Variants in IGF1R observed in about 807,000 individuals in gnomAD.
The protein encoded by IGF1R is insulin-like growth factor 1 receptor.
Under a neutral mutation model 144.6 loss-of-function variants are expected in IGF1R, and 44 were observed. The observed-to-expected ratio is 0.30, with a 90% confidence interval of 0.24 to 0.39. IGF1R has a LOEUF of 0.39. Ranked by LOEUF, IGF1R falls within the 10% of genes least tolerant of loss-of-function variation. The pLI is 1.00. For missense variants in IGF1R, 1,355 were observed against 1,833.7 expected (o/e 0.74, Z 4.77); for synonymous variants, 795 against 722.8 (o/e 1.10, Z -1.60).
chr15:98,774,039 G>A (rs144500026), intron 2 of IGF1R, among the ~76,000 whole-genome samples: 1 of 152,138 alleles, frequency 6.6e-6, no homozygotes, highest in Non-Finnish European at 1.5e-5. Context: ...TATCTCTTTG[G>A]GATTGGTTTT....
intron 2 of IGF1R, among the ~76,000 whole-genome samples, chr15:98,797,855 G>A (rs1465212999): frequency 6.6e-6 from 1 of 152,220 alleles, no homozygotes; most frequent in Non-Finnish European, 1.5e-5. Context: ...ATGTCAGACA[G>A]TGGTAAGTGC....
intron 2 of IGF1R, among the ~76,000 whole-genome samples, chr15:98,755,879 G>A (rs960886908): frequency 9.9e-5 from 15 of 151,886 alleles, no homozygotes; most frequent in East Asian, 3.9e-4. Context: ...AATTTTTATC[G>A]GAAGAGGCTG....
chr15:98,938,261 C>G (rs1242749709), intron 17 of IGF1R, among the ~76,000 whole-genome samples: 1 of 152,222 alleles, frequency 6.6e-6, no homozygotes, highest in Non-Finnish European at 1.5e-5. Flanking sequence ...GGCCGGCCTG[C>G]AAGTGTGGGA....
chr15:98,870,435 C>T (rs1429396808), intron 2 of IGF1R, among the ~76,000 whole-genome samples: 1 of 152,158 alleles, frequency 6.6e-6, no homozygotes, highest in Non-Finnish European at 1.5e-5. Flanking sequence ...TGACATCCAG[C>T]AGGCAGGTCA....
chr15:98,857,295 T>C (rs1053509158), intron 2 of IGF1R, among the ~76,000 whole-genome samples: 1 of 152,202 alleles, frequency 6.6e-6, no homozygotes, highest in African/African-American at 2.4e-5. Context: ...CTCGGCTCAT[T>C]GCAACCTCCA....
intron 1 of IGF1R, among the ~76,000 whole-genome samples, chr15:98,681,935 T>C (rs1369367705): frequency 6.6e-6 from 1 of 152,106 alleles, no homozygotes; most frequent in African/African-American, 2.4e-5. Context: ...TCATGTGAAA[T>C]CAATTTGGAA....
chr15:98,879,422 C>T (rs2013255588), intron 2 of IGF1R, among the ~76,000 whole-genome samples: 1 of 152,080 alleles, frequency 6.6e-6, no homozygotes, highest in Admixed American at 6.5e-5. Flanking sequence ...AGTTCCTCTG[C>T]CAGGCATTTC....
intron 2 of IGF1R, among the ~76,000 whole-genome samples, chr15:98,884,580 G>A (rs932769167): frequency 6.7e-6 from 1 of 149,304 alleles, no homozygotes; most frequent in Admixed American, 6.8e-5. Flanking sequence ...TGTAGTCCCA[G>A]CTACAGGAGA....
At chr15:98,800,394 A>G (rs569793168) in intron 2 of IGF1R, among the ~76,000 whole-genome samples, 2 of 152,344 alleles carry the variant, frequency 1.3e-5, no homozygotes, top group South Asian at 2.1e-4. Flanking sequence ...AAAGTGGACA[A>G]TGAAAAAATT....
intron 1 of IGF1R, among the ~76,000 whole-genome samples, chr15:98,671,864 G>A (rs979465240): frequency 2.0e-5 from 3 of 152,176 alleles, no homozygotes; most frequent in African/African-American, 7.2e-5. Flanking sequence ...AGCTTTGTAA[G>A]TTTAGGCTCT....
chr15:98,845,188 A>G lies in IGF1R; in HGVS notation c.641-46137A>G, dbSNP rs374283796. Among the ~76,000 whole-genome samples the G allele has an allele frequency of 2.3e-3, 352 of 152,174 alleles. 1 individual carries two copies. The highest frequency in any genetic ancestry group is 8.2e-3 in the African/African-American group (339 of 41,504). Reference sequence around the variant, plus strand: ...TAAATATGTTTCTAATACTTTATTCAATGTATGTTGTTAACAGTGTAGACA... The same window carrying G: ...TAAATATGTTTCTAATACTTTATTCGATGTATGTTGTTAACAGTGTAGACA... On this transcript the variant is annotated intron_variant, in intron 2 of 20. Coordinates refer to ENST00000650285, the MANE Select transcript of IGF1R (RefSeq NM_000875.5).
chr15:98,924,455 A>T (rs2151694178), intron 12 of IGF1R, 70 bp from the exon 13 acceptor site: 1 of 1,460,620 alleles, frequency 6.8e-7, no homozygotes, highest in Non-Finnish European at 9.6e-7. Context: ...CAGTGTGGTG[A>T]GTTTAGTTGG....
intron 2 of IGF1R, among the ~76,000 whole-genome samples, chr15:98,807,240 A>T (rs2056490721): frequency 6.6e-6 from 1 of 152,208 alleles, no homozygotes; most frequent in Admixed American, 6.5e-5. Context: ...CGTAAAGCTC[A>T]GATTCCTGTA....
At position 98,768,797 on chromosome 15, in the gene IGF1R, G is replaced by C. The variant is rs1191296447; in HGVS notation, c.640+60690G>C. ...AAAAAAAAAAGCCGGGCGCGGTGCC[G>C]GGCGCCTGTAGTCCCAGCTACTCGG... is the stretch of plus-strand genomic sequence containing the variant. On this transcript the variant is annotated intron_variant, in intron 2 of 20. Coordinates refer to ENST00000650285, the MANE Select transcript of IGF1R (RefSeq NM_000875.5). Among the ~76,000 whole-genome samples, 4 of 149,542 alleles carry C rather than the reference G, an allele frequency of 2.7e-5. No individual in the cohort carries two copies. In the South Asian group the frequency reaches 8.6e-4, roughly 32 times the overall value.
intron 20 of IGF1R, chr15:98,952,791 G>A (rs566728678): frequency 1.1e-4 from 16 of 152,248 alleles, no homozygotes; most frequent in African/African-American, 3.6e-4. Context: ...TACTCAGAGC[G>A]GTTACTCTGA....
At position 98,707,056 on chromosome 15, in the gene IGF1R, A is replaced by G. The variant is rs537626894; in HGVS notation, c.95-506A>G. 1.4e-4 allele frequency among the ~76,000 whole-genome samples: 22 copies of G among 152,312 alleles called. No homozygotes were observed. In the South Asian group the frequency reaches 4.6e-3, roughly 32 times the overall value. ...TGGAAGCATGCGTTTTTTAGTCCCC[A>G]CTTTACAAGTCACAGTGACGGTTCT... On this transcript the variant is annotated intron_variant, in intron 1 of 20. Transcript: ENST00000650285. This position sits in a 1 kb window ranked among gnomAD's most constrained non-coding sequence, Gnocchi z 6.7.
At position 98,707,490 on chromosome 15, in the gene IGF1R, A is replaced by T. The variant is rs2053893820; in HGVS notation, c.95-72A>T. On this transcript the variant is annotated intron_variant, in intron 1 of 20. Transcript: ENST00000650285. The surrounding 1 kb of genome is among the most constrained non-coding windows in gnomAD (Gnocchi z 6.7). The stretch of plus-strand genomic sequence containing the variant: ...TACAGGATTCCTGAAAACCAACTGT[A>T]TTATTGTTTGGAAAATAGTTTAAAA... 7 of 1,413,916 alleles carry T rather than the reference A, an allele frequency of 5.0e-6. No individual in the cohort carries two copies. The highest frequency in any genetic ancestry group is 6.9e-6 in the Non-Finnish European group (7 of 1,016,270). The allele number at this position is 1,413,916 out of a possible 1,614,324, so 87.6% of individuals were successfully genotyped here. A position where few individuals can be genotyped will look rare whatever the true frequency, so the allele number is the denominator to read the frequency against.
chr15:98,736,129 A>G (rs1433090086), intron 2 of IGF1R, among the ~76,000 whole-genome samples: 6 of 152,222 alleles, frequency 3.9e-5, no homozygotes, highest in South Asian at 4.1e-4. Context: ...CCAGCTGCCT[A>G]AAGAGTGGCG....
At chr15:98,684,596 A>G (rs1477689375) in intron 1 of IGF1R, among the ~76,000 whole-genome samples, 1 of 152,180 alleles carries the variant, frequency 6.6e-6, no homozygotes, top group Non-Finnish European at 1.5e-5. Flanking sequence ...GCCTTTTCTG[A>G]ATGTTATACA....
Sources: gnomAD v4.1 joint callset for allele counts (sites outside exome capture counted in the v4.1 genomes callset) on GRCh38, gnomAD v4.1.1 for gene constraint, Gnocchi (gnomAD v3.1) non-coding constraint, MANE v1.5 for transcripts, NCBI Gene and HGNC (gene_info 2026-07-23, HGNC 2026-07-21) for gene names.